ATP12A: variants seen among roughly 807,000 people sequenced by gnomAD.
ATP12A encodes the protein potassium-transporting ATPase alpha chain 2.
Under a neutral mutation model 111.2 loss-of-function variants are expected in ATP12A, and 81 were observed. That is an observed-to-expected ratio of 0.73 (90% CI 0.61 to 0.88). The LOEUF is 0.88. ATP12A is among the 40% of genes least tolerant of loss of function. The pLI, the probability that ATP12A is intolerant of heterozygous loss-of-function variation, is 0.00. For missense variants in ATP12A, 1,196 were observed against 1,313.1 expected (o/e 0.91, Z 1.38); for synonymous variants, 498 against 499.8 (o/e 1.00, Z 0.05).
rs1356186253 is a variant in ATP12A, at chr13:24,688,412, C to T, written c.322C>T (p.Leu108Phe). 4 of 1,614,190 alleles carry T rather than the reference C, an allele frequency of 2.5e-6. No individual in the cohort carries two copies. Among genetic ancestry groups the T allele is most frequent in the South Asian group, 1.1e-5 (1 of 91,062 alleles). ...GCAGACGCCTGAGATCGTCAAGTTC[C>T]TCAAGCAGATGGTGGGGGGGTTCTC... ...PKQTPEIVKF[L>F]KQMVGGFSIL... The change falls in exon 4 of 23, where the codon CTC (leucine) becomes TTC (phenylalanine). Residue 108 changes from leucine to phenylalanine, a missense_variant. By Grantham distance (22) the Leu-to-Phe change is conservative. Around this residue, in one of 3 missense-constraint regions of ATP12A, gnomAD observed 1,126 missense variants for 1,228.5 expected, o/e 0.92. Coordinates refer to ENST00000381946, the MANE Select transcript of ATP12A (RefSeq NM_001676.7).
intron 19 of ATP12A, among the ~76,000 whole-genome samples, chr13:24,710,126 C>A (rs189380193): frequency 1.3e-5 from 2 of 152,170 alleles, no homozygotes; most frequent in Non-Finnish European, 2.9e-5. Context: ...TCTTTCAGGC[C>A]GGGTGCAGTG....
In ATP12A at chr13:24,698,786, G is replaced by A; in HGVS notation, c.1641G>A (p.Lys547=). 1 of 1,614,084 alleles carries A rather than the reference G, an allele frequency of 6.2e-7. No individual in the cohort carries two copies. Among genetic ancestry groups the A allele is most frequent in the Non-Finnish European group, 8.5e-7 (1 of 1,180,034 alleles). ...MINGEEHPLD[K]STAKTFHTAY... is the part of the protein sequence containing the mutation. ...ACGGCGAGGAGCACCCACTGGACAA[G>A]AGCACTGCCAAGACCTTCCACACAG... Residue 547 remains lysine (K), a synonymous_variant, in exon 12 of 23, where the codon AAG becomes AAA. Coordinates refer to ENST00000381946, the MANE Select transcript of ATP12A (RefSeq NM_001676.7).
intron 12 of ATP12A, among the ~76,000 whole-genome samples, chr13:24,700,440 G>A (rs1001885328): frequency 6.6e-6 from 1 of 152,110 alleles, no homozygotes; most frequent in African/African-American, 2.4e-5. Context: ...CCCTATGCTT[G>A]ATCCCTTTAA....
Position 24,711,758 on chromosome 13 carries a change from G to A in ATP12A, c.*236G>A, listed in dbSNP as rs969337218. 1.7e-4 allele frequency: 98 copies of A among 590,564 alleles called. No homozygotes were observed. Among genetic ancestry groups the A allele is most frequent in the Admixed American group, 8.7e-4 (29 of 33,148 alleles). The allele number at this position is 590,564 out of a possible 1,614,324, so 36.6% of individuals were successfully genotyped here. A position where few individuals can be genotyped will look rare whatever the true frequency, so the allele number is the denominator to read the frequency against. On this transcript the variant is annotated 3_prime_UTR_variant, in exon 23 of 23. Transcript: ENST00000381946. Reference sequence around the variant, plus strand: ...TCTCCATCTCCTCATTAAAAAATACGTACATTTCGAGGTAATGGTATAGGG... The same window carrying A: ...TCTCCATCTCCTCATTAAAAAATACATACATTTCGAGGTAATGGTATAGGG...
chr13:24,707,374 G>C lies in ATP12A; in HGVS notation c.2434G>C (p.Gly812Arg), dbSNP rs772196577. Residue 812 changes from glycine (G) to arginine (R), a missense_variant, in exon 17 of 23, where the codon GGG (glycine) becomes CGG (arginine). This residue lies in a region of ATP12A where 1,126 missense variants were observed against 1,228.5 expected (regional missense o/e 0.92). Transcript: ENST00000381946. ...CCCCTTTCTGATCTACATCATTGTC[G>C]GGCTCCCCCTGCCCATTGGCACCAT... ...LCPFLIYIIV[G>R]LPLPIGTITI... 1 of 1,614,114 alleles carries C rather than the reference G, an allele frequency of 6.2e-7. No individual in the cohort carries two copies. Among genetic ancestry groups the C allele is most frequent in the South Asian group, 1.1e-5 (1 of 91,076 alleles).
chr13:24,703,852 T>C (rs1399068049), intron 14 of ATP12A, among the ~76,000 whole-genome samples: 1 of 150,696 alleles, frequency 6.6e-6, no homozygotes, highest in East Asian at 2.0e-4. Context: ...GATTTTTTTT[T>C]TTTTGAGATG....
At position 24,709,467 on chromosome 13, in the gene ATP12A, T is replaced by C; in HGVS notation, c.2597T>C (p.Val866Ala). 1 of 1,614,074 alleles carries C rather than the reference T, an allele frequency of 6.2e-7. No homozygotes were observed. ...KDRLVNQPLA[V>A]YSYLHIGLMQ... ...AGGCTGGTGAACCAGCCGCTCGCTG[T>C]GTACTCATACCTGCACATTGGTACG... Residue 866 changes from valine (V) to alanine (A), a missense_variant, in exon 18 of 23, where the codon GTG becomes GCG. This residue lies in a region of ATP12A where 1,126 missense variants were observed against 1,228.5 expected (regional missense o/e 0.92). Transcript: ENST00000381946.
chr13:24,690,042 G>GCGACTCTT (rs892327061), intron 5 of ATP12A, among the ~76,000 whole-genome samples: 1 of 152,174 alleles, frequency 6.6e-6, no homozygotes, highest in African/African-American at 2.4e-5. Context: ...CTGGCCAACA[G>GCGACTCTT]CGACTCTTCT....
Position 24,692,580 on chromosome 13 carries a change from G to T in ATP12A, c.1220G>T (p.Trp407Leu), listed in dbSNP as rs1481497593. 1 of 1,614,080 alleles carries T rather than the reference G, an allele frequency of 6.2e-7. No individual in the cohort carries two copies. Among genetic ancestry groups the T allele is most frequent in the Non-Finnish European group, 8.5e-7 (1 of 1,179,942 alleles). The change falls in exon 9 of 23, where the codon TGG becomes TTG. Residue 407 changes from tryptophan (W) to leucine (L), a missense_variant. Physicochemically the swap from Trp to Leu is moderately conservative, Grantham distance 61 (BLOSUM62 -2). Coordinates refer to ENST00000381946, the MANE Select transcript of ATP12A (RefSeq NM_001676.7). The stretch of plus-strand genomic sequence containing the variant: ...AACAGGATGACAGTGGCCCATCTGT[G>T]GTTCGACAATCAGATCTTTGTGGCT... ...TQNRMTVAHL[W>L]FDNQIFVADT... is the part of the protein sequence containing the mutation.
chr13:24,699,233 G>A (rs1355973990), intron 12 of ATP12A, among the ~76,000 whole-genome samples: 4 of 152,166 alleles, frequency 2.6e-5, no homozygotes, highest in African/African-American at 7.2e-5. Context: ...CAGAAACAGG[G>A]TTCAAGGGCT....
Position 24,685,509 on chromosome 13 carries a change from C to A in ATP12A, c.228+136C>A. 1 of 778,036 alleles carries A rather than the reference C, an allele frequency of 1.3e-6. No homozygotes were observed. Among genetic ancestry groups the A allele is most frequent in the Non-Finnish European group, 2.2e-6 (1 of 455,912 alleles). The allele number at this position is 778,036 out of a possible 1,614,324, so 48.2% of individuals were successfully genotyped here. On this transcript the variant is annotated intron_variant, in intron 3 of 22. Transcript: ENST00000381946. This position sits in a 1 kb window ranked among gnomAD's most constrained non-coding sequence, Gnocchi z 5.5. ...GGCCCCTGCAGCGCCTTTGAGACTG[C>A]AGTTATTTGCATCTGGACACAGTTC...
chr13:24,703,261 TAGAC>T (rs1875472124), intron 14 of ATP12A, among the ~76,000 whole-genome samples: 1 of 152,212 alleles, frequency 6.6e-6, no homozygotes, highest in South Asian at 2.1e-4. Context: ...TTTGTTTATT[TAGAC>T]AGAGTCTCTC....
Position 24,707,445 on chromosome 13 carries a change from T to G in ATP12A, c.2493+12T>G. 6.2e-7 allele frequency: 1 copy of G among 1,614,122 alleles called. No homozygotes were observed. ...TGGGGACAGACATTGTAAGTGACAC[T>G]GAAGGGAACAGGCTGTGATGCCTGC... is the stretch of plus-strand genomic sequence containing the variant. On this transcript the variant is annotated intron_variant, in intron 17 of 22. Transcript: ENST00000381946.
At chr13:24,699,705 G>T (rs1288478939) in intron 12 of ATP12A, among the ~76,000 whole-genome samples, 1 of 152,222 alleles carries the variant, frequency 6.6e-6, no homozygotes, top group Non-Finnish European at 1.5e-5. Context: ...AGGACCCAAT[G>T]GGGGTGCCTG....
chr13:24,686,264 C>G (rs1482593158), intron 3 of ATP12A, among the ~76,000 whole-genome samples: 1 of 151,828 alleles, frequency 6.6e-6, no homozygotes, highest in African/African-American at 2.4e-5. Context: ...CATAGTGAAA[C>G]CCCGTTTCTA....
In ATP12A at chr13:24,709,664, ATC is replaced by A; in HGVS notation, c.2618-13_2618-12del. ...GAGGCCATCATAGAACCTGTGTCCT[ATC>A]TCTCTTGTTCTTTCAGGCCTCATGC... On this transcript the variant is annotated splice_polypyrimidine_tract_variant and intron_variant, in intron 18 of 22. Coordinates refer to ENST00000381946, the MANE Select transcript of ATP12A (RefSeq NM_001676.7). 6.2e-7 allele frequency: 1 copy of A among 1,612,846 alleles called. No homozygotes were observed. Among genetic ancestry groups the A allele is most frequent in the Non-Finnish European group, 8.5e-7 (1 of 1,178,926 alleles).
At chr13:24,695,007 G>A (rs1225542612) in intron 11 of ATP12A, among the ~76,000 whole-genome samples, 4 of 152,196 alleles carry the variant, frequency 2.6e-5, no homozygotes, top group African/African-American at 9.7e-5. Context: ...AGTGCATCAG[G>A]CCCTCGACCT....
At position 24,710,474 on chromosome 13, in the gene ATP12A, G is replaced by T; in HGVS notation, c.2778G>T (p.Arg926Ser). The T allele has an allele frequency of 6.2e-7, 1 of 1,614,074 alleles. No individual in the cohort carries two copies. The highest frequency in any genetic ancestry group is 2.2e-5 in the East Asian group (1 of 44,860). The change falls in exon 20 of 23, where the codon AGG (arginine) becomes AGT (serine). Residue 926 changes from arginine to serine, a missense_variant. Coordinates refer to ENST00000381946, the MANE Select transcript of ATP12A (RefSeq NM_001676.7). Reference protein sequence around the residue: ...SYGQEWTRYQREYLEWTGYTA... With the variant: ...SYGQEWTRYQSEYLEWTGYTA... Reference sequence around the variant, plus strand: ...CCCATTAACAGACAAGGTACCAGAGGGAATACCTAGAATGGACGGGCTACA... The same window carrying T: ...CCCATTAACAGACAAGGTACCAGAGTGAATACCTAGAATGGACGGGCTACA...
intron 14 of ATP12A, among the ~76,000 whole-genome samples, chr13:24,705,144 C>T (rs2137717623): frequency 6.6e-6 from 1 of 152,304 alleles, no homozygotes; most frequent in South Asian, 2.1e-4. Context: ...AAAAGACCTG[C>T]AGCAGTTTGT....
Sources: allele counts gnomAD v4.1 joint callset (sites outside exome capture counted in the v4.1 genomes callset), GRCh38; gene constraint gnomAD v4.1.1; regional missense constraint gnomAD v4.1.1; non-coding constraint Gnocchi (gnomAD v3.1); transcripts MANE v1.5; gene names NCBI Gene and HGNC (gene_info 2026-07-23, HGNC 2026-07-21).